Variants in CCNK observed in about 807,000 individuals in gnomAD.
CCNK encodes the protein cyclin K.
In CCNK, 9 loss-of-function variants were observed where a neutral mutation model predicts 65.0. That is an observed-to-expected ratio of 0.14 (90% CI 0.08 to 0.24). The LOEUF (loss-of-function observed/expected upper bound fraction) is 0.24. CCNK is among the 10% of genes least tolerant of loss of function. The pLI is 1.00. For synonymous variants in CCNK, 279 were observed against 270.8 expected (o/e 1.03, Z -0.30); for missense variants, 474 against 720.0 (o/e 0.66, Z 3.91).
At chr14:99,496,117 A>G (rs1049011774) in intron 4 of CCNK, among the ~76,000 whole-genome samples, 5 of 152,174 alleles carry the variant, frequency 3.3e-5, no homozygotes, top group African/African-American at 7.2e-5. Flanking sequence ...CAGCCATCCT[A>G]TCTTTTCCAT....
At chr14:99,501,145 A>G in intron 5 of CCNK, 1 of 602,640 alleles carries the variant, frequency 1.7e-6, no homozygotes. Context: ...CCTTGGAGCC[A>G]GGTTTTCCAT....
intron 6 of CCNK, chr14:99,501,942 A>G (rs748037008): frequency 1.9e-5 from 6 of 316,604 alleles, no homozygotes; most frequent in Non-Finnish European, 3.4e-5. Context: ...AAATAACATA[A>G]GTCATTTTCA....
chr14:99,498,721 T>C (rs1465344958), intron 4 of CCNK, among the ~76,000 whole-genome samples: 1 of 152,154 alleles, frequency 6.6e-6, no homozygotes, highest in Non-Finnish European at 1.5e-5. Context: ...TGATGAGTTG[T>C]GGTGTACGCT....
intron 1 of CCNK, among the ~76,000 whole-genome samples, chr14:99,487,813 T>C (rs1008879196): frequency 6.6e-6 from 1 of 152,226 alleles, no homozygotes; most frequent in Non-Finnish European, 1.5e-5. Flanking sequence ...TTATAATTAG[T>C]TCACTTTTCT....
At chr14:99,486,874 C>CGTT (rs1039556703) in intron 1 of CCNK, among the ~76,000 whole-genome samples, 13 of 87,772 alleles carry the variant, frequency 1.5e-4, no homozygotes, top group African/African-American at 4.8e-4. Flanking sequence ...CCCTTACATG[C>CGTT]GTTATTATTT....
chr14:99,496,416 A>G (rs1300100302), intron 4 of CCNK, among the ~76,000 whole-genome samples: 5 of 152,216 alleles, frequency 3.3e-5, no homozygotes, highest in Admixed American at 6.5e-5. Context: ...TCTCTACTAT[A>G]TAAGAATAAA....
rs1277670436 is a variant in CCNK at position 99,502,371 on chromosome 14, T to C, written c.740T>C (p.Leu247Ser). The change falls in exon 7 of 11, where the codon TTG (leucine) becomes TCG (serine). Residue 247 changes from leucine (L) to serine (S), a missense_variant. By Grantham distance (145) the Leu-to-Ser change is moderately radical. This residue lies in a region of CCNK where 67 missense variants were observed against 150.2 expected (regional missense o/e 0.45). Transcript: ENST00000389879. ...QFVQDVPVDVLEDICHQILDL... is the reference protein window; with the variant it reads ...QFVQDVPVDVSEDICHQILDL... Reference sequence around the variant, plus strand: ...GTTCAAGATGTCCCGGTCGACGTTTTGGAAGGTACCAGGCATGCTAAGCGT... The same window carrying C: ...GTTCAAGATGTCCCGGTCGACGTTTCGGAAGGTACCAGGCATGCTAAGCGT... The C allele has an allele frequency of 6.2e-7, 1 of 1,613,600 alleles. No individual in the cohort carries two copies. Among genetic ancestry groups the C allele is most frequent in the Non-Finnish European group, 8.5e-7 (1 of 1,179,778 alleles).
chr14:99,493,269 G>C (rs1023325652), intron 2 of CCNK, among the ~76,000 whole-genome samples: 1 of 151,332 alleles, frequency 6.6e-6, no homozygotes, highest in Non-Finnish European at 1.5e-5. Flanking sequence ...CAGAGATGCT[G>C]TCTCAAAAAA....
intron 1 of CCNK, among the ~76,000 whole-genome samples, chr14:99,485,646 A>T (rs1431112438): frequency 6.6e-6 from 1 of 152,166 alleles, no homozygotes; most frequent in Non-Finnish European, 1.5e-5. Flanking sequence ...CAATAACAAA[A>T]CCTACTCCCT....
Position 99,481,441 on chromosome 14 carries a change from A to C in CCNK, c.-91A>C. The C allele has an allele frequency of 2.5e-6, 1 of 398,684 alleles. No individual in the cohort carries two copies. The highest frequency in any genetic ancestry group is 4.4e-6 in the Non-Finnish European group (1 of 226,082). 24.7% of individuals were successfully genotyped at this position (398,684 alleles called of 1,614,324 possible). A position where few individuals can be genotyped will look rare whatever the true frequency, so the allele number is the denominator to read the frequency against. The stretch of plus-strand genomic sequence containing the variant: ...CATATACAAGATGGCCGCAGTCGGC[A>C]AGGAGAGACGTCGCTGAGGGGCTTG... On this transcript the variant is annotated 5_prime_UTR_variant, in exon 1 of 11. Transcript: ENST00000389879.
chr14:99,484,450 A>G (rs972859851), intron 1 of CCNK, among the ~76,000 whole-genome samples: 6 of 152,278 alleles, frequency 3.9e-5, no homozygotes, highest in African/African-American at 1.4e-4. Flanking sequence ...AATCATGATG[A>G]GAAAAATGGT....
intron 8 of CCNK, 109 bp downstream of exon 8, chr14:99,503,093 G>A (rs1896879087): frequency 2.3e-6 from 3 of 1,285,256 alleles, no homozygotes; most frequent in East Asian, 4.6e-5. Context: ...GAAGCAGGGG[G>A]TGTTCGCCGA....
chr14:99,502,363 C>A lies in CCNK; in HGVS notation c.732C>A (p.Val244=). 1 of 1,613,222 alleles carries A rather than the reference C, an allele frequency of 6.2e-7. No homozygotes were observed. Among genetic ancestry groups the A allele is most frequent in the South Asian group, 1.1e-5 (1 of 90,894 alleles). The part of the protein sequence containing the change: ...WWEQFVQDVP[V]DVLEDICHQI... ...AGCAGTTTGTTCAAGATGTCCCGGTCGACGTTTTGGAAGGTACCAGGCATG... is the reference window on the plus strand; with the variant it reads ...AGCAGTTTGTTCAAGATGTCCCGGTAGACGTTTTGGAAGGTACCAGGCATG... The change falls in exon 7 of 11, where the codon GTC becomes GTA. Residue 244 remains valine, a synonymous_variant. Transcript: ENST00000389879.
intron 1 of CCNK, among the ~76,000 whole-genome samples, chr14:99,490,123 A>G (rs941909913): frequency 7.2e-5 from 11 of 152,228 alleles, no homozygotes; most frequent in African/African-American, 2.7e-4. Flanking sequence ...TGGTTTTAAC[A>G]TATGTCCACA....
At chr14:99,500,993 C>G in intron 5 of CCNK, 122 bp downstream of exon 5, 1 of 680,284 alleles carries the variant, frequency 1.5e-6, no homozygotes. Context: ...ATACCAAGGG[C>G]ATGGCTTGCT....
At chr14:99,490,859 T>C (rs3918059) in intron 1 of CCNK, among the ~76,000 whole-genome samples, 148,795 of 151,186 alleles carry the variant, frequency 0.98, 73,257 homozygotes, top group East Asian at 1. Context: ...ACCCAGGAGG[T>C]GGAGCTTGCA....
rs753191271 is a variant in CCNK at position 99,510,299 on chromosome 14, C to A, written c.1260C>A (p.Pro420=). 7 of 1,543,476 alleles carry A rather than the reference C, an allele frequency of 4.5e-6. No individual in the cohort carries two copies. Among genetic ancestry groups the A allele is most frequent in the Non-Finnish European group, 6.2e-6 (7 of 1,128,810 alleles). Residue 420 remains proline, a synonymous_variant, in exon 11 of 11, where the codon CCC becomes CCA. Transcript: ENST00000389879. Reference sequence around the variant, plus strand: ...AGCCACCGCCGCTGCCACACCGGCCCCCGCCCCCACCCCCCTCCAGCTACA... The same window carrying A: ...AGCCACCGCCGCTGCCACACCGGCCACCGCCCCCACCCCCCTCCAGCTACA... ...VHQPPPLPHR[P]PPPPPSSYMT... is the part of the protein sequence containing the mutation.
At position 99,504,041 on chromosome 14, in the gene CCNK, A is replaced by G. The variant is rs932969657; in HGVS notation, c.1045+397A>G. 1.1e-5 allele frequency: 4 copies of G among 371,118 alleles called. No individual in the cohort carries two copies. In the Admixed American group the frequency reaches 1.1e-4, roughly 10 times the overall value. 23.0% of individuals were successfully genotyped at this position (371,118 alleles called of 1,614,324 possible). On this transcript the variant is annotated intron_variant, in intron 9 of 10. Coordinates refer to ENST00000389879, the MANE Select transcript of CCNK (RefSeq NM_001099402.2). ...GTAGGGGGTGGTGTGCTGCCCGGAC[A>G]GCACCAGCCCGGCCCAGCCCAGCTG... is the stretch of plus-strand genomic sequence containing the variant.
chr14:99,504,053 G>A, intron 9 of CCNK: 2 of 379,590 alleles, frequency 5.3e-6, no homozygotes, highest in Non-Finnish European at 5.2e-6. Context: ...CACCAGCCCG[G>A]CCCAGCCCAG....
Sources: allele counts gnomAD v4.1 joint callset (sites outside exome capture counted in the v4.1 genomes callset), GRCh38; gene constraint gnomAD v4.1.1; regional missense constraint gnomAD v4.1.1; transcripts MANE v1.5; gene names NCBI Gene and HGNC (gene_info 2026-07-23, HGNC 2026-07-21).